NPIPB11: variants seen among roughly 807,000 people sequenced by gnomAD.
The protein encoded by NPIPB11 is nuclear pore complex interacting protein family member B11.
Under a neutral mutation model 32.8 loss-of-function variants are expected in NPIPB11, and 17 were observed. The observed-to-expected ratio is 0.52, with a 90% CI of 0.35 to 0.78. The LOEUF (loss-of-function observed/expected upper bound fraction) is 0.78. NPIPB11 is among the 30% of genes least tolerant of loss of function. NPIPB11 has a pLI of 0.01. For missense variants in NPIPB11, 537 were observed against 1,000.4 expected (o/e 0.54, Z 6.25); for synonymous variants, 209 against 398.4 (o/e 0.52, Z 5.66).
At chr16:29,400,936 G>T (rs1278676914) in intron 2 of NPIPB11, among the ~76,000 whole-genome samples, 5 of 151,280 alleles carry the variant, frequency 3.3e-5, no homozygotes, top group Non-Finnish European at 7.4e-5. Flanking sequence ...ACGATTCCCT[G>T]TCCCTTGCCT....
In NPIPB11 at chr16:29,383,185, G is replaced by A. The variant is rs563021673; in HGVS notation, c.1747C>T (p.Pro583Ser). Residue 583 changes from proline to serine, a missense_variant, in exon 8 of 8, where the codon CCT (proline) becomes TCT (serine). By Grantham distance (74) the Pro-to-Ser change is moderately conservative. Transcript: ENST00000524087. ...AAGCGGAACTGCAGATGCTCGGCAG[G>A]TGTCTTGATATTATCATCTGCTGAG... 6 of 1,591,982 alleles carry A rather than the reference G, an allele frequency of 3.8e-6. No homozygotes were observed. The Admixed American group carries it at 6.9e-5, about 18-fold the overall frequency.
intron 3 of NPIPB11, among the ~76,000 whole-genome samples, chr16:29,391,986 G>T (rs942797822): frequency 6.6e-6 from 1 of 152,004 alleles, no homozygotes; most frequent in African/African-American, 2.4e-5. Context: ...CTCCCAAAGT[G>T]CTGGGATTAC....
At chr16:29,397,774 A>G (rs1318105534) in intron 2 of NPIPB11, 51,998 of 96,446 alleles carry the variant, frequency 0.54, 12,305 homozygotes, top group African/African-American at 0.71. Context: ...GGGAGGGGGA[A>G]GGGAAGGGGA....
intron 2 of NPIPB11, among the ~76,000 whole-genome samples, chr16:29,394,538 C>T (rs564509415): frequency 5.4e-4 from 82 of 151,392 alleles, no homozygotes; most frequent in Non-Finnish European, 9.3e-4. Context: ...GGGCTCAAGC[C>T]ATTCTCCTGC....
intron 2 of NPIPB11, among the ~76,000 whole-genome samples, chr16:29,395,615 TAAA>T (rs1245755754): frequency 9.6e-5 from 11 of 114,850 alleles, no homozygotes; most frequent in Non-Finnish European, 1.4e-4. Flanking sequence ...TCAGCATAAG[TAAA>T]AAAAAAAAAA....
chr16:29,401,686 A>G lies in NPIPB11; in HGVS notation c.120+1997T>C, dbSNP rs4017128. Among the ~76,000 whole-genome samples the G allele has an allele frequency of 3.3e-5, 5 of 152,240 alleles. No homozygotes were observed. In the East Asian group the frequency reaches 5.8e-4, roughly 18 times the overall value. On this transcript the variant is annotated intron_variant, in intron 2 of 7. Coordinates refer to ENST00000524087, the Ensembl canonical transcript of NPIPB11. ...TACCCATGGGATTTGCTTTGACCCA[A>G]GAGATGTGAGTGGAAGTGAAGTGTG... is the stretch of plus-strand genomic sequence containing the variant.
chr16:29,390,581 G>A (rs1298029521), intron 3 of NPIPB11, among the ~76,000 whole-genome samples: 16 of 150,130 alleles, frequency 1.1e-4, no homozygotes, highest in African/African-American at 3.7e-4. Flanking sequence ...GAAGCTGGGA[G>A]GCGGAGGTTG....
At chr16:29,397,582 G>A in intron 2 of NPIPB11, 1 of 1,520,362 alleles carries the variant, frequency 6.6e-7, no homozygotes, top group Non-Finnish European at 8.9e-7. Flanking sequence ...ATGCACTGAT[G>A]GCTGATAAAT....
chr16:29,394,018 C>G (rs753211936), exon 3 of NPIPB11: 27 of 1,599,318 alleles, frequency 1.7e-5, no homozygotes, highest in Non-Finnish European at 2.1e-5. Flanking sequence ...AATATGTAAC[C>G]AAGGACTTCC....
chr16:29,403,069 T>C (rs1490358569), intron 2 of NPIPB11, among the ~76,000 whole-genome samples: 1 of 150,350 alleles, frequency 6.7e-6, no homozygotes, highest in Non-Finnish European at 1.5e-5. Context: ...TTTTCAAATT[T>C]TGCAGGATAA....
At chr16:29,389,848 A>G in intron 5 of NPIPB11, 93 bp downstream of exon 5, 2 of 1,568,060 alleles carry the variant, frequency 1.3e-6, no homozygotes, top group Non-Finnish European at 1.7e-6. Context: ...TTTGCCACAA[A>G]TATTGTAGAA....
chr16:29,394,904 C>T (rs1466489312), intron 2 of NPIPB11, among the ~76,000 whole-genome samples: 1 of 149,088 alleles, frequency 6.7e-6, no homozygotes, highest in Non-Finnish European at 1.5e-5. Flanking sequence ...TGACAGTGCA[C>T]TCAGCAAATT....
chr16:29,406,627 T>A (rs905048099), upstream of NPIPB11, among the ~76,000 whole-genome samples: 1 of 152,118 alleles, frequency 6.6e-6, no homozygotes, highest in Non-Finnish European at 1.5e-5. Context: ...GACAGGAGAA[T>A]TGCTTGAACC....
At chr16:29,399,298 A>G (rs1963933606) in intron 2 of NPIPB11, among the ~76,000 whole-genome samples, 1 of 150,994 alleles carries the variant, frequency 6.6e-6, no homozygotes, top group African/African-American at 2.4e-5. Context: ...TTTACCATTT[A>G]CTATGACATA....
intron 3 of NPIPB11, among the ~76,000 whole-genome samples, chr16:29,392,324 A>G (rs1018268576): frequency 1.3e-5 from 2 of 151,970 alleles, no homozygotes; most frequent in African/African-American, 4.8e-5. Context: ...AGATGACTAG[A>G]TGACAAGGAC....
chr16:29,406,023 T>C (rs1301841829), upstream of NPIPB11, among the ~76,000 whole-genome samples: 1 of 152,196 alleles, frequency 6.6e-6, no homozygotes, highest in African/African-American at 2.4e-5. Flanking sequence ...CTTTTAATAG[T>C]GACCTGTGAT....
At position 29,384,036 on chromosome 16, in the gene NPIPB11, TC is replaced by T. The variant is rs1178994787; in HGVS notation, c.895del (p.Asp299IlefsTer298). 8.2e-7 allele frequency: 1 copy of T among 1,220,392 alleles called. No individual in the cohort carries two copies. Among genetic ancestry groups the T allele is most frequent in the Admixed American group, 2.2e-5 (1 of 45,980 alleles). The allele number at this position is 1,220,392 out of a possible 1,614,324, so 75.6% of individuals were successfully genotyped here. ...ACACTCGGGAGGTGTCTTGAGATTA[TC>T]ATCCGCTGAGGGTGGAAGGGGAGTG... On this transcript the variant is annotated frameshift_variant, in exon 8 of 8. Coordinates refer to ENST00000524087, the Ensembl canonical transcript of NPIPB11. LOFTEE classifies it low-confidence loss of function (END_TRUNC).
intron 3 of NPIPB11, 149 bp from the exon 4 acceptor site, chr16:29,390,497 A>G (rs1306927241): frequency 8.1e-7 from 1 of 1,232,816 alleles, no homozygotes. Context: ...TACTAAAAAT[A>G]CAAAAATTAG....
At chr16:29,381,804 T>A (rs1438098154) in exon 8 of NPIPB11, 3 of 896,418 alleles carry the variant, frequency 3.3e-6, no homozygotes, top group East Asian at 5.9e-5. Flanking sequence ...GATATTATCA[T>A]CTGCTGAGGT....
Sources: gnomAD v4.1 joint callset for allele counts (sites outside exome capture counted in the v4.1 genomes callset) on GRCh38, gnomAD v4.1.1 for gene constraint, MANE v1.5 for transcripts, NCBI Gene and HGNC (gene_info 2026-07-23, HGNC 2026-07-21) for gene names.